The following PLXDC2 variants were observed in gnomAD, a reference collection of about 807,000 sequenced individuals.
The protein encoded by PLXDC2 is plexin domain-containing protein 2.
In PLXDC2, 40 loss-of-function variants were observed where a neutral mutation model predicts 68.9. The observed-to-expected ratio is 0.58, with a 90% CI of 0.45 to 0.76. PLXDC2 has a LOEUF of 0.76. Ranked by LOEUF, PLXDC2 falls within the 30% of genes least tolerant of loss-of-function variation. PLXDC2 has a pLI of 0.00. For missense variants in PLXDC2, 644 were observed against 661.9 expected, an observed-to-expected ratio of 0.97 and a Z score of 0.30; for synonymous variants, 243 against 234.2, an observed-to-expected ratio of 1.04 and a Z score of -0.34.
chr10:19,901,334 A>G (rs1456194503), intron 1 of PLXDC2, among the ~76,000 whole-genome samples: 3 of 152,000 alleles, frequency 2.0e-5, no homozygotes, highest in African/African-American at 7.3e-5. Flanking sequence ...CCCTGCCAAC[A>G]TCTTTTATTT....
intron 1 of PLXDC2, among the ~76,000 whole-genome samples, chr10:19,972,284 TC>T (rs1041221199): frequency 7.2e-5 from 11 of 152,288 alleles, no homozygotes; most frequent in African/African-American, 2.6e-4. Context: ...TGAAATCATG[TC>T]CTTTGCAGCA....
intron 1 of PLXDC2, among the ~76,000 whole-genome samples, chr10:19,842,562 C>A (rs1014659347): frequency 4.6e-5 from 7 of 152,128 alleles, no homozygotes; most frequent in African/African-American, 1.7e-4. Flanking sequence ...CCTTATTTTC[C>A]CACTGGTTTG....
intron 13 of PLXDC2, among the ~76,000 whole-genome samples, chr10:20,258,281 G>A (rs567193021): frequency 9.0e-4 from 137 of 152,028 alleles, no homozygotes; most frequent in African/African-American, 3.2e-3. Context: ...AATTACAGGC[G>A]TGAGCCACCG....
intron 9 of PLXDC2, among the ~76,000 whole-genome samples, chr10:20,183,062 C>T (rs1277392665): frequency 2.6e-5 from 4 of 151,918 alleles, no homozygotes; most frequent in Admixed American, 6.6e-5. Flanking sequence ...GATTTTGGCA[C>T]TCTTTTGAGA....
chr10:19,885,560 C>A, intron 1 of PLXDC2, among the ~76,000 whole-genome samples: 1 of 152,160 alleles, frequency 6.6e-6, no homozygotes, highest in East Asian at 1.9e-4. Context: ...CCAGTTTCAG[C>A]TTTCTACATA....
chr10:19,988,142 T>TTG (rs201711016), intron 1 of PLXDC2, among the ~76,000 whole-genome samples: 4,642 of 152,292 alleles, frequency 0.03, 104 homozygotes, highest in Middle Eastern at 0.051. Flanking sequence ...TCACATGAGC[T>TTG]TACTATCCTT....
intron 1 of PLXDC2, among the ~76,000 whole-genome samples, chr10:19,908,432 A>G (rs1833205798): frequency 6.6e-6 from 1 of 151,528 alleles, no homozygotes; most frequent in African/African-American, 2.4e-5. Flanking sequence ...TATTAAACAT[A>G]AAAGATAATG....
chr10:20,256,461 G>GTGTTTTAACACTAA (rs370079148), intron 13 of PLXDC2, among the ~76,000 whole-genome samples: 65 of 151,730 alleles, frequency 4.3e-4, no homozygotes, highest in Non-Finnish European at 8.5e-4. Context: ...CACTGAGACT[G>GTGTTTTAACACTAA]CACCAAATGT....
At chr10:20,059,165 G>A (rs1386427569) in intron 3 of PLXDC2, among the ~76,000 whole-genome samples, 2 of 152,130 alleles carry the variant, frequency 1.3e-5, no homozygotes, top group Non-Finnish European at 2.9e-5. Context: ...TTCTAGGGTA[G>A]CATGAAAAAT....
At chr10:20,147,935 C>G in intron 6 of PLXDC2, 33 bp downstream of exon 6, 1 of 1,458,188 alleles carries the variant, frequency 6.9e-7, no homozygotes, top group East Asian at 2.3e-5. Flanking sequence ...CTTTCCCTTC[C>G]CCTTGTTCTT....
chr10:19,962,679 C>T (rs953399166), intron 1 of PLXDC2, among the ~76,000 whole-genome samples: 1 of 147,846 alleles, frequency 6.8e-6, no homozygotes, highest in Admixed American at 6.7e-5. Flanking sequence ...CGAGAGCCAC[C>T]GCGCCCGGCT....
intron 1 of PLXDC2, among the ~76,000 whole-genome samples, chr10:19,925,654 C>A (rs75540149): frequency 6.6e-6 from 1 of 152,172 alleles, no homozygotes; most frequent in East Asian, 1.9e-4. Flanking sequence ...TGAGAGTAGA[C>A]TCAAACATGG....
intron 10 of PLXDC2, among the ~76,000 whole-genome samples, chr10:20,215,486 G>A (rs1355176813): frequency 6.6e-6 from 1 of 151,932 alleles, no homozygotes; most frequent in Non-Finnish European, 1.5e-5. Flanking sequence ...CCTCTTCTGG[G>A]ACTGCCTCCC....
chr10:20,033,303 G>C (rs1481081304), intron 2 of PLXDC2, among the ~76,000 whole-genome samples: 1 of 152,092 alleles, frequency 6.6e-6, no homozygotes, highest in Non-Finnish European at 1.5e-5. Flanking sequence ...AAGATGGAGA[G>C]AATGTAGAAC....
chr10:19,901,391 G>A (rs1050832954), intron 1 of PLXDC2, among the ~76,000 whole-genome samples: 37 of 152,056 alleles, frequency 2.4e-4, no homozygotes, highest in African/African-American at 8.9e-4. Context: ...AGGTGGTATT[G>A]CCTTGTGGTT....
chr10:19,854,813 A>C (rs1425986124), intron 1 of PLXDC2, among the ~76,000 whole-genome samples: 1 of 152,232 alleles, frequency 6.6e-6, no homozygotes, highest in African/African-American at 2.4e-5. Flanking sequence ...TAGTCACCCC[A>C]GTCCTGATAG....
At chr10:19,948,844 A>G (rs1227884063) in intron 1 of PLXDC2, among the ~76,000 whole-genome samples, 2 of 152,146 alleles carry the variant, frequency 1.3e-5, no homozygotes, top group Non-Finnish European at 2.9e-5. Context: ...TAATAAGTGC[A>G]TTAGAATAGA....
At chr10:20,234,865 A>G (rs1835413294) in intron 12 of PLXDC2, among the ~76,000 whole-genome samples, 3 of 152,090 alleles carry the variant, frequency 2.0e-5, no homozygotes, top group South Asian at 4.1e-4. Context: ...CACAGGCTAA[A>G]TGAATATCTC....
intron 1 of PLXDC2, among the ~76,000 whole-genome samples, chr10:19,984,368 G>T (rs907216812): frequency 2.0e-5 from 3 of 152,200 alleles, no homozygotes; most frequent in African/African-American, 4.8e-5. Context: ...TCAGGTGTCA[G>T]CCTGAGATGT....
Sources: gnomAD v4.1 joint callset for allele counts (sites outside exome capture counted in the v4.1 genomes callset) on GRCh38, gnomAD v4.1.1 for gene constraint, MANE v1.5 for transcripts, NCBI Gene and HGNC (gene_info 2026-07-23, HGNC 2026-07-21) for gene names.